ZEB2: variants seen among roughly 807,000 people sequenced by gnomAD.
ZEB2 encodes the protein zinc finger E-box binding homeobox 2.
ZEB2 carries 6 observed loss-of-function variants against 99.9 expected under a neutral mutation model. The observed-to-expected ratio is 0.06, with a 90% CI of 0.03 to 0.12. The LOEUF (loss-of-function observed/expected upper bound fraction) is 0.12, where lower values mean the gene tolerates loss of function less well. ZEB2 is among the 10% of genes least tolerant of loss of function. ZEB2 has a pLI of 1.00. For synonymous variants in ZEB2, 517 were observed against 542.5 expected, an observed-to-expected ratio of 0.95 and a Z score of 0.65; for missense variants, 969 against 1,502.8, an observed-to-expected ratio of 0.64 and a Z score of 5.87.
At chr2:144,465,362 G>A (rs193093409) in intron 2 of ZEB2, among the ~76,000 whole-genome samples, 2 of 152,116 alleles carry the variant, frequency 1.3e-5, no homozygotes, top group Non-Finnish European at 2.9e-5. Flanking sequence ...CGTAGTTTTT[G>A]TGATTGTGTT....
chr2:144,517,880 A>G, intron 1 of ZEB2: 2 of 496,972 alleles, frequency 4.0e-6, no homozygotes, highest in East Asian at 3.5e-5. Context: ...AACGCGAAAC[A>G]GCCCCTGGAT....
In ZEB2 at chr2:144,385,706, G is replaced by T. The variant is rs1703072349; in HGVS notation, c.*3745C>A. 1 of 152,146 alleles carries T rather than the reference G, an allele frequency of 6.6e-6. No homozygotes were observed. The highest frequency in any genetic ancestry group is 1.5e-5 in the Non-Finnish European group (1 of 68,024). 9.4% of individuals were successfully genotyped at this position (152,146 alleles called of 1,614,324 possible). A position where few individuals can be genotyped will look rare whatever the true frequency, so the allele number is the denominator to read the frequency against. The stretch of plus-strand genomic sequence containing the variant: ...TGGCCTCACACATCTTGGAGCAAAA[G>T]CATGGTTAACAATTTTTCAGTTCAA... On this transcript the variant is annotated 3_prime_UTR_variant, in exon 10 of 10. Transcript: ENST00000627532.
chr2:144,506,300 A>C (rs911860518), intron 2 of ZEB2, among the ~76,000 whole-genome samples: 1 of 152,210 alleles, frequency 6.6e-6, no homozygotes, highest in African/African-American at 2.4e-5. Flanking sequence ...GTTTGTGTGC[A>C]TGTGGGAATG....
At chr2:144,463,649 T>C (rs1272046837) in intron 2 of ZEB2, 1 of 151,896 alleles carries the variant, frequency 6.6e-6, no homozygotes, top group Admixed American at 6.6e-5. Context: ...GGTGACATAG[T>C]GAGACCCCGT....
chr2:144,417,531 C>T (rs1241599107), intron 4 of ZEB2, among the ~76,000 whole-genome samples: 1 of 152,194 alleles, frequency 6.6e-6, no homozygotes, highest in Non-Finnish European at 1.5e-5. Context: ...GCTTATTTCA[C>T]TCAGCATAAT....
At position 144,400,272 on chromosome 2, in the gene ZEB2, TA is replaced by T; in HGVS notation, c.917-3del. ...TTGGGCACTCGTAAGGTTTTTCACCTAAAATGATAATTAAAATTACCGTTAC... is the reference window on the plus strand; with the variant it reads ...TTGGGCACTCGTAAGGTTTTTCACCTAAATGATAATTAAAATTACCGTTAC... On this transcript the variant is annotated splice_polypyrimidine_tract_variant and splice_region_variant and intron_variant, in intron 7 of 9. Coordinates refer to ENST00000627532, the MANE Select transcript of ZEB2 (RefSeq NM_014795.4). The T allele has an allele frequency of 6.2e-7, 1 of 1,607,234 alleles. No homozygotes were observed.
In ZEB2 at chr2:144,501,697, T is replaced by A. The variant is rs559410781; in HGVS notation, c.73+15581A>T. ...TAAACAGTTGCTAACAAAGTATTAATAGGAAACCCCAAACTGATGCCAAAA... is the reference window on the plus strand; with the variant it reads ...TAAACAGTTGCTAACAAAGTATTAAAAGGAAACCCCAAACTGATGCCAAAA... On this transcript the variant is annotated intron_variant, in intron 2 of 9. Transcript: ENST00000627532. Among the ~76,000 whole-genome samples, 3 of 152,172 alleles carry A rather than the reference T, an allele frequency of 2.0e-5. No homozygotes were observed. The South Asian group carries it at 6.2e-4, about 31-fold the overall frequency.
At chr2:144,420,127 T>C (rs1314895470) in intron 4 of ZEB2, among the ~76,000 whole-genome samples, 1 of 152,240 alleles carries the variant, frequency 6.6e-6, no homozygotes. Flanking sequence ...TTGTAATATC[T>C]GCCATGTGTG....
chr2:144,475,471 T>TATATAC (rs1217930724), intron 2 of ZEB2, among the ~76,000 whole-genome samples: 3 of 152,222 alleles, frequency 2.0e-5, no homozygotes, highest in Middle Eastern at 3.2e-3. Flanking sequence ...AAAAGCCATA[T>TATATAC]ATATACATAT....
At chr2:144,397,910 G>T in intron 8 of ZEB2, 1 of 336,510 alleles carries the variant, frequency 3.0e-6, no homozygotes, top group South Asian at 2.5e-5. Context: ...CAAAGTGCTG[G>T]GATTACAGGC....
At chr2:144,491,357 G>GAA (rs200783690) in intron 2 of ZEB2, among the ~76,000 whole-genome samples, 1,916 of 90,236 alleles carry the variant, frequency 0.021, 44 homozygotes, top group African/African-American at 0.065. Context: ...CTTCTCAAGA[G>GAA]AAAAAAAAAA....
chr2:144,517,508 G>A, intron 1 of ZEB2, 89 bp from the exon 2 acceptor site: 2 of 841,018 alleles, frequency 2.4e-6, no homozygotes, highest in Non-Finnish European at 3.9e-6. Flanking sequence ...CCAGGGCCCC[G>A]GCGAGCACCC....
chr2:144,496,646 A>C (rs1573801351), intron 2 of ZEB2: 1 of 152,276 alleles, frequency 6.6e-6, no homozygotes, highest in African/African-American at 2.4e-5. Flanking sequence ...GTAACCGTAG[A>C]CTTTCTTCCT....
At chr2:144,486,241 A>C (rs1207794961) in intron 2 of ZEB2, among the ~76,000 whole-genome samples, 1 of 152,182 alleles carries the variant, frequency 6.6e-6, no homozygotes, top group South Asian at 2.1e-4. Context: ...TTGTATTTAT[A>C]TCTCTCTTCT....
At chr2:144,471,990 T>C (rs377609817) in intron 2 of ZEB2, among the ~76,000 whole-genome samples, 7 of 152,150 alleles carry the variant, frequency 4.6e-5, no homozygotes, top group Non-Finnish European at 1.0e-4. Context: ...TAAATAAGTA[T>C]GTAGAACACT....
chr2:144,406,625 G>A (rs1385989261), intron 4 of ZEB2, among the ~76,000 whole-genome samples: 2 of 152,192 alleles, frequency 1.3e-5, no homozygotes, highest in Non-Finnish European at 2.9e-5. Flanking sequence ...GGGGAACCAC[G>A]TGATGTAAGG....
intron 2 of ZEB2, among the ~76,000 whole-genome samples, chr2:144,439,914 A>C (rs568201904): frequency 6.6e-6 from 1 of 152,226 alleles, no homozygotes; most frequent in East Asian, 1.9e-4. Flanking sequence ...TTCCTTCCCC[A>C]CCAGAACTTT....
intron 2 of ZEB2, chr2:144,430,468 TC>T: frequency 4.8e-6 from 1 of 209,750 alleles, no homozygotes; most frequent in Non-Finnish European, 1.1e-5. Context: ...TGTGGTTTTT[TC>T]CCTAGAAACA....
chr2:144,390,561 A>C (rs1703143185), intron 9 of ZEB2: 1 of 204,328 alleles, frequency 4.9e-6, no homozygotes, highest in South Asian at 7.6e-5. Context: ...GAAGAAACAG[A>C]GGAAAGAGGA....
Sources: gnomAD v4.1 joint callset for allele counts (sites outside exome capture counted in the v4.1 genomes callset) on GRCh38, gnomAD v4.1.1 for gene constraint, MANE v1.5 for transcripts, NCBI Gene and HGNC (gene_info 2026-07-23, HGNC 2026-07-21) for gene names.